MUC4: variants seen among roughly 807,000 people sequenced by gnomAD.
MUC4 encodes the protein mucin 4, cell surface associated.
MUC4 carries 202 observed loss-of-function variants against 257.9 expected under a neutral mutation model. The observed-to-expected ratio is 0.78, with a 90% CI of 0.70 to 0.88. MUC4 has a LOEUF of 0.88. Ranked by LOEUF, MUC4 falls within the 40% of genes least tolerant of loss-of-function variation. The pLI, the probability that MUC4 is intolerant of heterozygous loss-of-function variation, is 0.00. For missense variants in MUC4, 5,976 were observed against 6,513.7 expected (o/e 0.92, Z 2.84); for synonymous variants, 2,351 against 2,757.1 (o/e 0.85, Z 4.62).
chr3:195,787,226 C>T lies in MUC4; in HGVS notation c.4354G>A (p.Gly1452Ser). The change falls in exon 2 of 25, where the codon GGT (glycine) becomes AGT (serine). Residue 1452 changes from glycine to serine, a missense_variant. Physicochemically the swap from Gly to Ser is moderately conservative, Grantham distance 56. Transcript: ENST00000463781. ...GTGACAGGAAGAGGGGTGGTGTGAC[C>T]TGTGGATGCTGCGGAAGGGATGGTT... ...PVTIPSAAST[G>S]HTTPLPVTDT... is the part of the protein sequence containing the mutation. The T allele has an allele frequency of 4.0e-6, 2 of 503,188 alleles. No individual in the cohort carries two copies. The highest frequency in any genetic ancestry group is 4.0e-5 in the South Asian group (2 of 50,564). The allele number at this position is 503,188 out of a possible 1,614,324, so 31.2% of individuals were successfully genotyped here.
chr3:195,768,829 G>A (rs917713739), intron 7 of MUC4, among the ~76,000 whole-genome samples, 193 bp downstream of exon 7: 5 of 152,218 alleles, frequency 3.3e-5, no homozygotes, highest in African/African-American at 1.2e-4. Context: ...AGGGCATGGC[G>A]GACAAATGGG....
Position 195,769,133 on chromosome 3 carries a change from A to G in MUC4, c.13418T>C (p.Ile4473Thr). Residue 4473 changes from isoleucine (I) to threonine (T), a missense_variant, in exon 7 of 25, where the codon ATC (isoleucine) becomes ACC (threonine). Ile to Thr is a moderately conservative substitution (Grantham distance 89, BLOSUM62 -1). Coordinates refer to ENST00000463781, the MANE Select transcript of MUC4 (RefSeq NM_018406.7). ...GGACCTGCTCCCGTCCGTGGAGAGG[A>G]TGGCTTGGTAGGTGTTGCTCTGGGG... Reference protein sequence around the residue: ...WTLGSNTYQAILSTDGSRSYA... With the variant: ...WTLGSNTYQATLSTDGSRSYA... 1 of 1,614,058 alleles carries G rather than the reference A, an allele frequency of 6.2e-7. No homozygotes were observed. Among genetic ancestry groups the G allele is most frequent in the Non-Finnish European group, 8.5e-7 (1 of 1,179,972 alleles).
intron 7 of MUC4, among the ~76,000 whole-genome samples, chr3:195,767,266 C>A (rs1456032504): frequency 6.6e-6 from 1 of 152,108 alleles, no homozygotes; most frequent in Non-Finnish European, 1.5e-5. Flanking sequence ...ACAGTGGCAT[C>A]TACCTCACTG....
intron 1 of MUC4, among the ~76,000 whole-genome samples, chr3:195,806,450 G>A (rs1735997324): frequency 6.6e-6 from 1 of 152,218 alleles, no homozygotes; most frequent in Non-Finnish European, 1.5e-5. Context: ...ATGTGCAGTT[G>A]AGAACATTTC....
intron 1 of MUC4, among the ~76,000 whole-genome samples, chr3:195,806,254 C>A (rs1020011786): frequency 1.3e-5 from 2 of 152,250 alleles, no homozygotes; most frequent in Non-Finnish European, 2.9e-5. Flanking sequence ...TGAGCTCCGC[C>A]TCTGCCTGCT....
In MUC4 at chr3:195,788,664, G is replaced by T. The variant is rs1194414274; in HGVS notation, c.2916C>A (p.Ser972Arg). ...AGGTGACAGGAAGAGGGGTGGCGTT[G>T]CTGATGAGGGCCGTGGTGAAGGTTT... Reference protein sequence around the residue: ...SGKTFTTALISNATPLPVTYA... With the variant: ...SGKTFTTALIRNATPLPVTYA... The change falls in exon 2 of 25, where the codon AGC becomes AGA. Residue 972 changes from serine (S) to arginine (R), a missense_variant. Physicochemically the swap from Ser to Arg is moderately radical, Grantham distance 110. Transcript: ENST00000463781. 3.8e-6 allele frequency: 6 copies of T among 1,572,080 alleles called. No individual in the cohort carries two copies. Among genetic ancestry groups the T allele is most frequent in the South Asian group, 1.1e-5 (1 of 88,590 alleles).
In MUC4 at chr3:195,783,424, G is replaced by C; in HGVS notation, c.8156C>G (p.Thr2719Ser). 1 of 654,542 alleles carries C rather than the reference G, an allele frequency of 1.5e-6. No homozygotes were observed. Among genetic ancestry groups the C allele is most frequent in the Non-Finnish European group, 2.2e-6 (1 of 457,756 alleles). 40.5% of individuals were successfully genotyped at this position (654,542 alleles called of 1,614,324 possible). The stretch of plus-strand genomic sequence containing the variant: ...GGAAGTGTCGGTGACAGGAAGAGAG[G>C]TGGTGTCACCTGTGTATGCTGAGGA... ...DTSSAYTGDT[T>S]SLPVTDTSSS... Residue 2719 changes from threonine (T) to serine (S), a missense_variant, in exon 2 of 25, where the codon ACC becomes AGC. Transcript: ENST00000463781.
Position 195,762,841 on chromosome 3 carries a change from G to C in MUC4, c.14344+14C>G. The C allele has an allele frequency of 1.3e-6, 2 of 1,541,144 alleles. No homozygotes were observed. Among genetic ancestry groups the C allele is most frequent in the Non-Finnish European group, 1.8e-6 (2 of 1,142,812 alleles). On this transcript the variant is annotated intron_variant, in intron 13 of 24. Transcript: ENST00000463781. ...CCGGTGCGGGGAGGGGGCGGCCGGCGCTCCCCAACCTACCTCCGCCGTCTT... is the reference window on the plus strand; with the variant it reads ...CCGGTGCGGGGAGGGGGCGGCCGGCCCTCCCCAACCTACCTCCGCCGTCTT...
intron 6 of MUC4, 96 bp downstream of exon 6, chr3:195,770,120 G>A: frequency 7.9e-7 from 1 of 1,264,302 alleles, no homozygotes; most frequent in Non-Finnish European, 1.0e-6. Context: ...ATCTTTCCTA[G>A]AGCCAGAGAG....
In MUC4 at chr3:195,780,707, C is replaced by A. The variant is rs112808291; in HGVS notation, c.10873G>T (p.Ala3625Ser). Residue 3625 changes from alanine to serine, a missense_variant, in exon 2 of 25, where the codon GCA becomes TCA. Physicochemically the swap from Ala to Ser is moderately conservative, Grantham distance 99. Around this residue, in one of 44 missense-constraint regions of MUC4, gnomAD observed 59 missense variants for 149.8 expected, o/e 0.39. Coordinates refer to ENST00000463781, the MANE Select transcript of MUC4 (RefSeq NM_018406.7). ...AGAGGGGTGGCCTGACCTGTGGATG[C>A]TGAGGAAGTGTCCGTGACAGGAAGA... The part of the protein sequence containing the change: ...TRLPVTDTSS[A>S]STGQATPLPV... 1.3e-6 allele frequency: 2 copies of A among 1,517,308 alleles called. 1 individual carries two copies. Among genetic ancestry groups the A allele is most frequent in the African/African-American group, 3.7e-5 (2 of 54,560 alleles). 94.0% of individuals were successfully genotyped at this position (1,517,308 alleles called of 1,614,324 possible).
chr3:195,774,275 G>T lies in MUC4; in HGVS notation c.12974C>A (p.Ala4325Asp). 6.3e-7 allele frequency: 1 copy of T among 1,590,158 alleles called. No individual in the cohort carries two copies. Among genetic ancestry groups the T allele is most frequent in the Non-Finnish European group, 8.5e-7 (1 of 1,169,776 alleles). The change falls in exon 4 of 25, where the codon GCC becomes GAC. Residue 4325 changes from alanine to aspartate, a missense_variant. By Grantham distance (126) the Ala-to-Asp change is moderately radical (BLOSUM62 -2). Transcript: ENST00000463781. ...CCTCCTGACGAACTCCAGGTCCCCG[G>T]CGCCTGCCCCATAGGGGAAGAGGGA... is the stretch of plus-strand genomic sequence containing the variant. The part of the protein sequence containing the change: ...GVSLFPYGAG[A>D]GDLEFVRRTV...
intron 1 of MUC4, among the ~76,000 whole-genome samples, chr3:195,795,841 G>C (rs937690555): frequency 2.4e-5 from 1 of 40,888 alleles, no homozygotes; most frequent in Non-Finnish European, 4.7e-5. Flanking sequence ...GAAAGAAAGT[G>C]GGGGAGGGGG....
chr3:195,772,178 T>A (rs1320303715), intron 4 of MUC4, among the ~76,000 whole-genome samples: 1 of 58,524 alleles, frequency 1.7e-5, no homozygotes, highest in Non-Finnish European at 4.9e-5. Context: ...CCTCTCTCCA[T>A]CGCTCAGGGG....
At position 195,770,243 on chromosome 3, in the gene MUC4, G is replaced by A. The variant is rs751164014; in HGVS notation, c.13371C>T (p.His4457=). 7.2e-5 allele frequency: 116 copies of A among 1,613,170 alleles called. 2 individuals carry two copies. Among genetic ancestry groups the A allele is most frequent in the South Asian group, 6.2e-4 (56 of 90,884 alleles). ...CGAGGGTCCACTGGGCAGGATAGGCGTGGGCATTGACCCACGTGACCTTTA... is the reference window on the plus strand; with the variant it reads ...CGAGGGTCCACTGGGCAGGATAGGCATGGGCATTGACCCACGTGACCTTTA... ...WALKVTWVNA[H]AYPAQWTLGS... The change falls in exon 6 of 25, where the codon CAC becomes CAT. Residue 4457 remains histidine, a synonymous_variant. Transcript: ENST00000463781.
At chr3:195,766,158 A>G (rs1208551615) in intron 8 of MUC4, among the ~76,000 whole-genome samples, 1 of 152,082 alleles carries the variant, frequency 6.6e-6, no homozygotes, top group African/African-American at 2.4e-5. Flanking sequence ...ACAGAATTTC[A>G]CCATGTTGGC....
intron 7 of MUC4, among the ~76,000 whole-genome samples, chr3:195,767,912 ATCGCCACTG>A (rs1315219050): frequency 2.7e-5 from 3 of 111,776 alleles, no homozygotes; most frequent in South Asian, 2.6e-4. Context: ...CACCATCACC[ATCGCCACTG>A]CCACCTCCAC....
At position 195,778,733 on chromosome 3, in the gene MUC4, C is replaced by A. The variant is rs1485651723; in HGVS notation, c.12790+57G>T. ...CCAGTGTTCTCAGGTACTCCTTAGGCTGAATTCCGCCAAGGGGCCCACTGG... is the reference window on the plus strand; with the variant it reads ...CCAGTGTTCTCAGGTACTCCTTAGGATGAATTCCGCCAAGGGGCCCACTGG... On this transcript the variant is annotated intron_variant, in intron 2 of 24. Transcript: ENST00000463781. 3.6e-5 allele frequency: 55 copies of A among 1,513,534 alleles called. No individual in the cohort carries two copies. The East Asian group carries it at 1.2e-3, about 32-fold the overall frequency. The allele number at this position is 1,513,534 out of a possible 1,614,324, so 93.8% of individuals were successfully genotyped here.
intron 7 of MUC4, among the ~76,000 whole-genome samples, chr3:195,767,351 C>A (rs933830924): frequency 5.3e-5 from 8 of 150,858 alleles, no homozygotes. Context: ...ACAGATGCTG[C>A]CACTGCTGCT....
chr3:195,751,374 C>G (rs866237786), intron 21 of MUC4, 103 bp from the exon 22 acceptor site: 2 of 925,570 alleles, frequency 2.2e-6, no homozygotes, highest in East Asian at 2.6e-5. Flanking sequence ...CCTCCTGGAA[C>G]GGGAGCCCCA....
Sources: allele counts gnomAD v4.1 joint callset (sites outside exome capture counted in the v4.1 genomes callset), GRCh38; gene constraint gnomAD v4.1.1; regional missense constraint gnomAD v4.1.1; transcripts MANE v1.5; gene names NCBI Gene and HGNC (gene_info 2026-07-23, HGNC 2026-07-21).